PACRG: variants seen among roughly 807,000 people sequenced by gnomAD.
PACRG encodes parkin coregulated, also known as parkin coregulated gene protein.
PACRG carries 29 observed loss-of-function variants against 29.7 expected under a neutral mutation model. The ratio of observed to expected loss-of-function variants is 0.98; its 90% CI spans 0.73 to 1.33. The LOEUF (loss-of-function observed/expected upper bound fraction) is 1.33. Ranked by LOEUF, PACRG falls within the 40% of genes most tolerant of loss-of-function variation. The pLI is 0.00. For synonymous variants in PACRG, 116 were observed against 118.7 expected, an observed-to-expected ratio of 0.98 and a Z score of 0.15; for missense variants, 279 against 316.2, an observed-to-expected ratio of 0.88 and a Z score of 0.89.
intron 1 of PACRG, 49 bp downstream of exon 1, chr6:162,728,440 C>T (rs767340705): frequency 1.6e-5 from 26 of 1,590,038 alleles, no homozygotes; most frequent in South Asian, 5.6e-5. Context: ...TCAGGGGACA[C>T]GAGATTTACA....
intron 2 of PACRG, among the ~76,000 whole-genome samples, chr6:162,985,031 C>G (rs1320102348): frequency 6.6e-6 from 1 of 151,704 alleles, no homozygotes; most frequent in Non-Finnish European, 1.5e-5. Context: ...CTGAACAGGC[C>G]AATAACAAGC....
intron 3 of PACRG, 152 bp downstream of exon 3, chr6:163,062,473 C>A: frequency 2.3e-6 from 2 of 883,734 alleles, no homozygotes; most frequent in Non-Finnish European, 3.3e-6. Flanking sequence ...CAACCCAAAT[C>A]TCCAAAAATA....
intron 2 of PACRG, among the ~76,000 whole-genome samples, chr6:163,028,816 A>G (rs1807386078): frequency 1.3e-5 from 2 of 152,202 alleles, no homozygotes; most frequent in African/African-American, 4.8e-5. Context: ...TTTTGAAGTA[A>G]TATAACAATT....
intron 3 of PACRG, among the ~76,000 whole-genome samples, chr6:163,066,859 A>C (rs1229285089): frequency 6.6e-6 from 1 of 152,262 alleles, no homozygotes; most frequent in Non-Finnish European, 1.5e-5. Context: ...AATTTTAGAA[A>C]AGTAAAATTT....
chr6:163,274,321 G>A (rs1783949497), intron 4 of PACRG, among the ~76,000 whole-genome samples: 1 of 152,118 alleles, frequency 6.6e-6, no homozygotes, highest in African/African-American at 2.4e-5. Flanking sequence ...TGAGAATGAT[G>A]GTTTCCAGCT....
chr6:163,126,992 A>C (rs779115785), intron 4 of PACRG, among the ~76,000 whole-genome samples: 4 of 152,196 alleles, frequency 2.6e-5, no homozygotes, highest in Non-Finnish European at 5.9e-5. Context: ...CCAGCTCTTC[A>C]TCGCTAAGTA....
intron 2 of PACRG, among the ~76,000 whole-genome samples, chr6:162,842,389 G>A (rs1468394230): frequency 2.0e-5 from 3 of 149,778 alleles, no homozygotes; most frequent in South Asian, 4.3e-4. Context: ...TTGGTTTAAA[G>A]TCTGTTTTAT....
At chr6:162,827,278 A>T (rs139046067) in intron 2 of PACRG, among the ~76,000 whole-genome samples, 33 of 152,300 alleles carry the variant, frequency 2.2e-4, no homozygotes, top group Admixed American at 4.6e-4. Flanking sequence ...TAATTTCAAC[A>T]CTGCATTATT....
At chr6:162,965,069 T>C (rs1429154137) in intron 2 of PACRG, among the ~76,000 whole-genome samples, 1 of 152,220 alleles carries the variant, frequency 6.6e-6, no homozygotes, top group Non-Finnish European at 1.5e-5. Flanking sequence ...CCTTAAGGAC[T>C]CACAGCTGGA....
At chr6:163,136,365 T>C (rs1346764492) in intron 4 of PACRG, among the ~76,000 whole-genome samples, 1 of 152,222 alleles carries the variant, frequency 6.6e-6, no homozygotes, top group African/African-American at 2.4e-5. Flanking sequence ...AACCTTTGTG[T>C]TTCTATTTGA....
intron 2 of PACRG, among the ~76,000 whole-genome samples, chr6:162,883,810 C>A (rs1794105027): frequency 6.6e-6 from 1 of 151,904 alleles, no homozygotes; most frequent in South Asian, 2.1e-4. Flanking sequence ...CCACATAGAA[C>A]TTTTGAGTCC....
chr6:163,209,107 C>A (rs1781030224), intron 4 of PACRG, among the ~76,000 whole-genome samples: 1 of 152,184 alleles, frequency 6.6e-6, no homozygotes. Flanking sequence ...GCACATTTTT[C>A]TGACACCTTT....
chr6:162,759,914 T>A (rs1782212847), intron 1 of PACRG, among the ~76,000 whole-genome samples: 1 of 152,194 alleles, frequency 6.6e-6, no homozygotes, highest in Admixed American at 6.5e-5. Context: ...AAATAGAGCC[T>A]GAAGCAGGAA....
chr6:163,179,722 AAAAT>A (rs1310668551), intron 4 of PACRG, among the ~76,000 whole-genome samples: 3 of 140,270 alleles, frequency 2.1e-5, no homozygotes, highest in Non-Finnish European at 1.6e-5. Context: ...AAAAAAAAAA[AAAAT>A]TTTCTTACAT....
intron 4 of PACRG, among the ~76,000 whole-genome samples, chr6:163,239,631 G>A (rs1782381854): frequency 6.6e-6 from 1 of 150,536 alleles, no homozygotes; most frequent in African/African-American, 2.4e-5. Flanking sequence ...TGCCCCTCCT[G>A]CTCCCACGGC....
intron 4 of PACRG, among the ~76,000 whole-genome samples, chr6:163,287,311 G>C (rs1784436127): frequency 6.6e-6 from 1 of 152,100 alleles, no homozygotes; most frequent in Non-Finnish European, 1.5e-5. Context: ...ACAACGTTTT[G>C]GAAACCTGGT....
At chr6:163,237,950 A>G (rs2128166562) in intron 4 of PACRG, among the ~76,000 whole-genome samples, 1 of 152,340 alleles carries the variant, frequency 6.6e-6, no homozygotes, top group African/African-American at 2.4e-5. Flanking sequence ...CAGAAGATAT[A>G]TCCATTTTAT....
intron 1 of PACRG, among the ~76,000 whole-genome samples, chr6:162,730,819 A>G (rs1382042543): frequency 1.3e-5 from 2 of 152,184 alleles, no homozygotes; most frequent in East Asian, 1.9e-4. Flanking sequence ...TCACATTTTT[A>G]TAGTGCTTGC....
rs542069720 is a variant in PACRG, at chr6:162,855,279, T to C, written c.291+40998T>C. ...TGGCACACAAAAAGAACACAGTACA[T>C]GATGATCGTGTTATAATTGTGATTT... On this transcript the variant is annotated intron_variant, in intron 2 of 4. Coordinates refer to ENST00000366888, the MANE Select transcript of PACRG (RefSeq NM_001080379.2). Among the ~76,000 whole-genome samples the C allele has an allele frequency of 3.9e-4, 60 of 152,294 alleles. 1 individual carries two copies. In the East Asian group the frequency reaches 8.3e-3, roughly 21 times the overall value.
Sources: gnomAD v4.1 joint callset for allele counts (sites outside exome capture counted in the v4.1 genomes callset) on GRCh38, gnomAD v4.1.1 for gene constraint, MANE v1.5 for transcripts, NCBI Gene and HGNC (gene_info 2026-07-23, HGNC 2026-07-21) for gene names.